Variants in POC5 observed in about 807,000 individuals in gnomAD.
The protein encoded by POC5 is centrosomal protein POC5.
Under a neutral mutation model 62.9 loss-of-function variants are expected in POC5, and 48 were observed. That is an observed-to-expected ratio of 0.76 (90% CI 0.61 to 0.97). The LOEUF is 0.97. Among genes scored for constraint, POC5 ranks in the 50% least tolerant of loss-of-function variants. POC5 has a pLI of 0.00. For missense variants in POC5, 696 were observed against 679.5 expected, an observed-to-expected ratio of 1.02 and a Z score of -0.27; for synonymous variants, 236 against 228.2, an observed-to-expected ratio of 1.03 and a Z score of -0.31.
At position 75,717,360 on chromosome 5, in the gene POC5, C is replaced by T. The variant is rs1742646194; in HGVS notation, c.-69G>A. ...CTCGCTCTGCGCCTCTTAGCCGCGT[C>T]GCAGCTGCAGTGTCAGCAAGTGCAG... On this transcript the variant is annotated 5_prime_UTR_variant, in exon 1 of 12. Transcript: ENST00000428202. The T allele has an allele frequency of 6.6e-6, 1 of 152,288 alleles. No homozygotes were observed. The highest frequency in any genetic ancestry group is 2.4e-5 in the African/African-American group (1 of 41,470). 9.4% of individuals were successfully genotyped at this position (152,288 alleles called of 1,614,324 possible).
intron 5 of POC5, among the ~76,000 whole-genome samples, chr5:75,696,380 T>G (rs1214089248): frequency 6.6e-6 from 1 of 152,120 alleles, no homozygotes; most frequent in East Asian, 1.9e-4. Context: ...ACGGGCAGCC[T>G]GCCTCAAGTG....
chr5:75,713,486 A>T (rs73126735), intron 1 of POC5, among the ~76,000 whole-genome samples: 9,914 of 152,322 alleles, frequency 0.065, 349 homozygotes, highest in South Asian at 0.098. Flanking sequence ...TGACTATTCG[A>T]ACTATCTGAA....
chr5:75,700,599 C>G (rs1268801895), intron 5 of POC5, among the ~76,000 whole-genome samples: 2 of 150,160 alleles, frequency 1.3e-5, no homozygotes, highest in Non-Finnish European at 3.0e-5. Context: ...AATGTTAGAC[C>G]TAAAACCATA....
intron 2 of POC5, 80 bp from the exon 3 acceptor site, chr5:75,707,955 A>C: frequency 7.8e-7 from 1 of 1,284,722 alleles, no homozygotes; most frequent in Non-Finnish European, 1.1e-6. Context: ...TTTTAAAGAA[A>C]TTTAATTACC....
intron 5 of POC5, among the ~76,000 whole-genome samples, chr5:75,699,694 C>T (rs1252670952): frequency 6.9e-6 from 1 of 144,414 alleles, no homozygotes; most frequent in Non-Finnish European, 1.5e-5. Flanking sequence ...TCCTATTCAA[C>T]ATAGTGTTGG....
At chr5:75,716,717 T>A (rs889204839) in intron 1 of POC5, among the ~76,000 whole-genome samples, 17 of 152,248 alleles carry the variant, frequency 1.1e-4, no homozygotes, top group Admixed American at 1.1e-3. Flanking sequence ...TTTGTGTGCT[T>A]CTCTGTTGCC....
intron 3 of POC5, 74 bp from the exon 4 acceptor site, chr5:75,705,861 G>A: frequency 1.1e-6 from 1 of 883,466 alleles, no homozygotes; most frequent in Admixed American, 2.9e-5. Context: ...CATAATTTAA[G>A]AAGGTAGCAG....
intron 6 of POC5, among the ~76,000 whole-genome samples, 170 bp downstream of exon 6, chr5:75,694,485 C>T (rs904504355): frequency 2.0e-5 from 3 of 152,054 alleles, no homozygotes; most frequent in African/African-American, 7.2e-5. Context: ...GGTAAAATGA[C>T]ATTATGCTGA....
chr5:75,689,468 AC>A, intron 8 of POC5: 1 of 984,372 alleles, frequency 1.0e-6, no homozygotes, highest in Non-Finnish European at 1.2e-6. Context: ...TTACTGTAAA[AC>A]TTTTATGTAG....
At chr5:75,684,422 A>G in intron 10 of POC5, among the ~76,000 whole-genome samples, 1 of 142,542 alleles carries the variant, frequency 7.0e-6, no homozygotes, top group Non-Finnish European at 1.5e-5. Flanking sequence ...CTGGAGTGCA[A>G]TGGCATCATC....
Position 75,689,028 on chromosome 5 carries a change from T to C in POC5, c.1113A>G (p.Gln371=), listed in dbSNP as rs1456171563. The part of the protein sequence containing the change: ...ALNLEAMTIF[Q]NRNDAGIDST... ...AATACTAACCTGCATCATTTCTGTT[T>C]TGAAATATAGTCATGGCTTCAAGAT... Residue 371 remains glutamine (Q), a synonymous_variant, in exon 9 of 12, where the codon CAA becomes CAG. Coordinates refer to ENST00000428202, the MANE Select transcript of POC5 (RefSeq NM_001099271.2). 5 of 1,568,066 alleles carry C rather than the reference T, an allele frequency of 3.2e-6. No individual in the cohort carries two copies. Among genetic ancestry groups the C allele is most frequent in the Non-Finnish European group, 4.3e-6 (5 of 1,161,064 alleles).
intron 2 of POC5, chr5:75,709,634 T>A (rs1281154103): frequency 6.6e-6 from 1 of 152,332 alleles, no homozygotes; most frequent in East Asian, 1.9e-4. Context: ...AAAGTAACTA[T>A]GATTATTTAA....
At chr5:75,693,656 T>C (rs1279416933) in intron 6 of POC5, among the ~76,000 whole-genome samples, 1 of 152,222 alleles carries the variant, frequency 6.6e-6, no homozygotes, top group African/African-American at 2.4e-5. Flanking sequence ...TTCAATTTTA[T>C]ACGAAATCAA....
intron 11 of POC5, among the ~76,000 whole-genome samples, chr5:75,676,030 G>C (rs920798841): frequency 8.5e-5 from 13 of 152,186 alleles, no homozygotes; most frequent in African/African-American, 3.1e-4. Flanking sequence ...CACAGTTAGT[G>C]GGTAAGAAAT....
intron 4 of POC5, among the ~76,000 whole-genome samples, chr5:75,703,751 G>A (rs6874626): frequency 0.43 from 65,245 of 151,874 alleles, 14,395 homozygotes; most frequent in South Asian, 0.57. Context: ...GGTGAGAAAT[G>A]TACACATCTC....
At chr5:75,716,390 G>GGGGGGT (rs1742565587) in intron 1 of POC5, among the ~76,000 whole-genome samples, 3 of 94,524 alleles carry the variant, frequency 3.2e-5, no homozygotes, top group African/African-American at 1.2e-4. Flanking sequence ...GGGTGGGGGG[G>GGGGGGT]GGGGGGTGCT....
chr5:75,697,351 T>G (rs1338832999), intron 5 of POC5, among the ~76,000 whole-genome samples: 7 of 152,186 alleles, frequency 4.6e-5, no homozygotes, highest in East Asian at 3.9e-4. Flanking sequence ...GACTAACAGC[T>G]GATCTCTCAG....
intron 10 of POC5, among the ~76,000 whole-genome samples, chr5:75,678,673 ATAC>A (rs1775767044): frequency 6.6e-6 from 1 of 152,164 alleles, no homozygotes; most frequent in African/African-American, 2.4e-5. Context: ...TTATACCAAC[ATAC>A]TACTTTGTCT....
chr5:75,706,840 T>A (rs1173225838), intron 3 of POC5, among the ~76,000 whole-genome samples: 1 of 152,212 alleles, frequency 6.6e-6, no homozygotes, highest in Non-Finnish European at 1.5e-5. Context: ...CATGAGCCAC[T>A]GCCTGGCCTG....
Sources: gnomAD v4.1 joint callset for allele counts (sites outside exome capture counted in the v4.1 genomes callset) on GRCh38, gnomAD v4.1.1 for gene constraint, MANE v1.5 for transcripts, NCBI Gene and HGNC (gene_info 2026-07-23, HGNC 2026-07-21) for gene names.